Variants in IL17RD observed in about 807,000 individuals in gnomAD.
IL17RD encodes the protein interleukin 17 receptor D, also known as interleukin-17 receptor D.
Under a neutral mutation model 80.5 loss-of-function variants are expected in IL17RD, and 52 were observed. That is an observed-to-expected ratio of 0.65 (90% CI 0.52 to 0.81). The LOEUF (loss-of-function observed/expected upper bound fraction) is 0.81. Ranked by LOEUF, IL17RD falls within the 40% of genes least tolerant of loss-of-function variation. The pLI is 0.00. For missense variants in IL17RD, 1,024 were observed against 955.1 expected, an observed-to-expected ratio of 1.07 and a Z score of -0.95; for synonymous variants, 416 against 391.8, an observed-to-expected ratio of 1.06 and a Z score of -0.73.
chr3:57,098,144 T>C lies in IL17RD; in HGVS notation c.1559A>G (p.Glu520Gly), dbSNP rs376893760. The change falls in exon 12 of 13, where the codon GAG (glutamate) becomes GGG (glycine). Residue 520 changes from glutamate to glycine, a missense_variant. Physicochemically the swap from Glu to Gly is moderately conservative, Grantham distance 98. Transcript: ENST00000296318. The part of the protein sequence containing the change: ...HLHSRDHGLQ[E>G]PGQHTRQGSR... ...GCCCTGTCGCGTGTGCTGCCCCGGC[T>C]CCTGGAGGCCGTGGTCTCGGGAGTG... is the stretch of plus-strand genomic sequence containing the variant. 4.7e-5 allele frequency: 76 copies of C among 1,613,794 alleles called. No homozygotes were observed. Among genetic ancestry groups the C allele is most frequent in the Non-Finnish European group, 6.0e-5 (71 of 1,179,884 alleles).
intron 1 of IL17RD, chr3:57,150,531 C>G (rs1286031032): frequency 6.6e-6 from 1 of 152,224 alleles, no homozygotes; most frequent in Non-Finnish European, 1.5e-5. Flanking sequence ...AAATAATTGT[C>G]TACCTCCGAG....
chr3:57,147,664 A>G (rs1397659582), intron 1 of IL17RD, among the ~76,000 whole-genome samples: 2 of 152,246 alleles, frequency 1.3e-5, no homozygotes, highest in East Asian at 1.9e-4. Flanking sequence ...ATGTGGGGAC[A>G]GGACTGGCAA....
chr3:57,118,746 G>T (rs1190751902), intron 2 of IL17RD, among the ~76,000 whole-genome samples: 1 of 152,156 alleles, frequency 6.6e-6, no homozygotes, highest in Non-Finnish European at 1.5e-5. Context: ...TATATTAATA[G>T]ATATCAATTT....
At chr3:57,145,615 G>A (rs1005401959) in intron 1 of IL17RD, among the ~76,000 whole-genome samples, 41 of 152,304 alleles carry the variant, frequency 2.7e-4, no homozygotes, top group Non-Finnish European at 4.7e-4. Flanking sequence ...AGACACCCAG[G>A]TGCAAGGGGC....
chr3:57,118,790 A>G (rs1179461575), intron 2 of IL17RD, among the ~76,000 whole-genome samples: 1 of 152,174 alleles, frequency 6.6e-6, no homozygotes, highest in African/African-American at 2.4e-5. Flanking sequence ...TCCCAAGTTG[A>G]GCAGTTATAA....
In IL17RD at chr3:57,158,972, G is replaced by C. The variant is rs139690519; in HGVS notation, c.126+6189C>G. Among the ~76,000 whole-genome samples the C allele has an allele frequency of 4.6e-5, 7 of 152,270 alleles. No homozygotes were observed. The East Asian group carries it at 1.3e-3, about 29-fold the overall frequency. ...GAATCTGCAAATAGAGAAAGCAGCA[G>C]GGTGTGGTTTTCTATGAACAGACAA... On this transcript the variant is annotated intron_variant, in intron 1 of 12. Coordinates refer to ENST00000296318, the MANE Select transcript of IL17RD (RefSeq NM_017563.5).
chr3:57,164,918 G>A (rs920591349), intron 1 of IL17RD: 2 of 1,252,654 alleles, frequency 1.6e-6, no homozygotes, highest in South Asian at 2.0e-5. Flanking sequence ...CCCGGCCGGC[G>A]GCCGCACCTC....
chr3:57,166,639 T>C (rs2060349727), upstream of IL17RD, among the ~76,000 whole-genome samples: 1 of 152,250 alleles, frequency 6.6e-6, no homozygotes. Flanking sequence ...TGTTCTATGG[T>C]GGCTCTTATG....
intron 1 of IL17RD, among the ~76,000 whole-genome samples, chr3:57,146,775 A>T (rs1429609092): frequency 1.3e-5 from 2 of 150,300 alleles, no homozygotes; most frequent in Non-Finnish European, 1.5e-5. Context: ...AGAAAGAAAA[A>T]AAATTATATA....
chr3:57,096,640 C>A, intron 12 of IL17RD, 135 bp from the exon 13 acceptor site: 1 of 674,472 alleles, frequency 1.5e-6, no homozygotes. Context: ...TCCCAACCAA[C>A]TCAAGATGGG....
chr3:57,111,069 G>T lies in IL17RD; in HGVS notation c.311-758C>A, dbSNP rs758323474. On this transcript the variant is annotated intron_variant, in intron 3 of 12. Coordinates refer to ENST00000296318, the MANE Select transcript of IL17RD (RefSeq NM_017563.5). Reference sequence around the variant, plus strand: ...CTGACGGTCACAAGCGCCAGCACCGGGTTTGTGTATCCCACGGAGACTGAA... The same window carrying T: ...CTGACGGTCACAAGCGCCAGCACCGTGTTTGTGTATCCCACGGAGACTGAA... Among the ~76,000 whole-genome samples, 4 of 152,222 alleles carry T rather than the reference G, an allele frequency of 2.6e-5. 1 individual carries two copies. The highest frequency in any genetic ancestry group is 2.6e-4 in the Admixed American group (4 of 15,286).
intron 7 of IL17RD, among the ~76,000 whole-genome samples, chr3:57,105,552 A>AAAAAAAAAAAATATATATATATATATAT: frequency 1.6e-5 from 1 of 63,590 alleles, no homozygotes; most frequent in African/African-American, 9.3e-5. Context: ...AAAAAAAAAA[A>AAAAAAAAAAAATATATATATATATATAT]ATATATATAT....
Position 57,101,253 on chromosome 3 carries a change from T to C in IL17RD, c.1090A>G (p.Ser364Gly). 1.2e-6 allele frequency: 2 copies of C among 1,613,716 alleles called. No homozygotes were observed. The highest frequency in any genetic ancestry group is 1.7e-4 in the Middle Eastern group (1 of 6,060). ...PRPKVFLCYSSKDGQNHMNVV... is the reference protein window; with the variant it reads ...PRPKVFLCYSGKDGQNHMNVV... ...TTCATGTGATTCTGGCCATCTTTAC[T>C]GGAATAGCAGAGAAAGACCTTCGGC... Residue 364 changes from serine to glycine, a missense_variant, in exon 11 of 13, where the codon AGT becomes GGT. Coordinates refer to ENST00000296318, the MANE Select transcript of IL17RD (RefSeq NM_017563.5).
At chr3:57,104,038 CA>C (rs1227482657) in intron 8 of IL17RD, among the ~76,000 whole-genome samples, 2 of 151,214 alleles carry the variant, frequency 1.3e-5, no homozygotes, top group African/African-American at 4.9e-5. Context: ...CATACTAAAA[CA>C]AAAAAAATTT....
chr3:57,096,469 A>T lies in IL17RD; in HGVS notation c.2144T>A (p.Leu715His). The change falls in exon 13 of 13, where the codon CTC (leucine) becomes CAC (histidine). Residue 715 changes from leucine to histidine, a missense_variant. Coordinates refer to ENST00000296318, the MANE Select transcript of IL17RD (RefSeq NM_017563.5). ...EEPPALPSKL[L>H]SSGSCKADLG... ...ATCTGCTTTGCATGACCCAGAAGAG[A>T]GGAGCTTGGAAGGAAGGGCAGGAGG... 6.2e-7 allele frequency: 1 copy of T among 1,613,892 alleles called. No homozygotes were observed. Among genetic ancestry groups the T allele is most frequent in the Non-Finnish European group, 8.5e-7 (1 of 1,179,792 alleles).
chr3:57,098,576 C>T (rs373547511), intron 11 of IL17RD, 38 bp from the exon 12 acceptor site: 7 of 1,415,450 alleles, frequency 4.9e-6, no homozygotes, highest in Non-Finnish European at 5.8e-6. Flanking sequence ...ATACAGAAGG[C>T]TCGGGAAGAG....
chr3:57,160,187 G>A (rs1040948450), intron 1 of IL17RD, among the ~76,000 whole-genome samples: 9 of 152,004 alleles, frequency 5.9e-5, no homozygotes, highest in East Asian at 3.9e-4. Flanking sequence ...AAGAGGCAGC[G>A]GGGAATGAAG....
Position 57,098,148 on chromosome 3 carries a change from G to A in IL17RD, c.1555C>T (p.Gln519Ter). The A allele has an allele frequency of 6.2e-7, 1 of 1,614,008 alleles. No individual in the cohort carries two copies. The highest frequency in any genetic ancestry group is 8.5e-7 in the Non-Finnish European group (1 of 1,179,890). ...SHLHSRDHGL[Q>*]EPGQHTRQGS... ...TGTCGCGTGTGCTGCCCCGGCTCCT[G>A]GAGGCCGTGGTCTCGGGAGTGCAAG... The change falls in exon 12 of 13, where the codon CAG becomes TAG. Residue 519 changes from glutamine to a stop codon, truncating the protein, a stop_gained. Coordinates refer to ENST00000296318, the MANE Select transcript of IL17RD (RefSeq NM_017563.5). LOFTEE classifies it high-confidence loss of function.
Position 57,120,273 on chromosome 3 carries a change from ATGT to A in IL17RD, c.164_166del (p.Asn55del). ...TTACTTACTGTCATATTTGAAGGTGATGTTGTACAGCCCACTGTTTCTGCTGGC... is the reference window on the plus strand; with the variant it reads ...TTACTTACTGTCATATTTGAAGGTGATGTACAGCCCACTGTTTCTGCTGGC... On this transcript the variant is annotated inframe_deletion, in exon 2 of 13. Coordinates refer to ENST00000296318, the MANE Select transcript of IL17RD (RefSeq NM_017563.5). The A allele has an allele frequency of 6.2e-7, 1 of 1,613,326 alleles. No homozygotes were observed. Among genetic ancestry groups the A allele is most frequent in the East Asian group, 2.2e-5 (1 of 44,878 alleles).
Sources: gnomAD v4.1 joint callset for allele counts (sites outside exome capture counted in the v4.1 genomes callset) on GRCh38, gnomAD v4.1.1 for gene constraint, MANE v1.5 for transcripts, NCBI Gene and HGNC (gene_info 2026-07-23, HGNC 2026-07-21) for gene names.